Variants in SCML4 observed in about 807,000 individuals in gnomAD.
The protein encoded by SCML4 is sex comb on midleg-like protein 4.
In SCML4, 34 loss-of-function variants were observed where a neutral mutation model predicts 41.1. That is an observed-to-expected ratio of 0.83 (90% CI 0.63 to 1.10). SCML4 has a LOEUF of 1.10. SCML4 is among the 50% of genes least tolerant of loss of function. The pLI, the probability that SCML4 is intolerant of heterozygous loss-of-function variation, is 0.00. For synonymous variants in SCML4, 214 were observed against 220.9 expected (o/e 0.97, Z 0.28); for missense variants, 522 against 534.1 (o/e 0.98, Z 0.22).
intron 6 of SCML4, among the ~76,000 whole-genome samples, chr6:107,716,268 C>T (rs992778313): frequency 2.0e-5 from 3 of 152,162 alleles, no homozygotes; most frequent in African/African-American, 7.2e-5. Flanking sequence ...TTCTCCATCT[C>T]TTAGAACCTT....
At chr6:107,778,346 G>T (rs74758896) in intron 1 of SCML4, among the ~76,000 whole-genome samples, 12,756 of 148,388 alleles carry the variant, frequency 0.086, 786 homozygotes, top group Non-Finnish European at 0.13. Flanking sequence ...TCAGTGCAGT[G>T]AATACTATCT....
At chr6:107,805,949 G>T (rs1210631153) in intron 1 of SCML4, among the ~76,000 whole-genome samples, 1 of 152,202 alleles carries the variant, frequency 6.6e-6, no homozygotes, top group Non-Finnish European at 1.5e-5. Flanking sequence ...TGTCATGGAG[G>T]CCACGGTTAT....
At position 107,720,683 on chromosome 6, in the gene SCML4, T is replaced by C; in HGVS notation, c.973+20A>G. Reference sequence around the variant, plus strand: ...AAGGGATGTTAAGTCAGTGGGAAGCTGATGCATGCATTACATTACCACATC... The same window carrying C: ...AAGGGATGTTAAGTCAGTGGGAAGCCGATGCATGCATTACATTACCACATC... On this transcript the variant is annotated intron_variant, in intron 6 of 7. Transcript: ENST00000369020. 2 of 1,516,730 alleles carry C rather than the reference T, an allele frequency of 1.3e-6. No individual in the cohort carries two copies. Among genetic ancestry groups the C allele is most frequent in the Non-Finnish European group, 1.8e-6 (2 of 1,132,266 alleles). The allele number at this position is 1,516,730 out of a possible 1,614,324, so 94.0% of individuals were successfully genotyped here. A position where few individuals can be genotyped will look rare whatever the true frequency, so the allele number is the denominator to read the frequency against.
chr6:107,723,384 A>G (rs542559878), intron 5 of SCML4, among the ~76,000 whole-genome samples: 2 of 152,330 alleles, frequency 1.3e-5, no homozygotes, highest in South Asian at 4.1e-4. Flanking sequence ...TATCTCATGT[A>G]ATTTACTGAA....
chr6:107,707,668 G>A (rs1471749595), intron 7 of SCML4, among the ~76,000 whole-genome samples, 198 bp downstream of exon 7: 2 of 152,112 alleles, frequency 1.3e-5, no homozygotes, highest in Non-Finnish European at 2.9e-5. Flanking sequence ...AACAAATTAA[G>A]TGGTCACTCT....
rs1263019189 is a variant in SCML4, at chr6:107,702,258, G to A, written c.*2942C>T. The stretch of plus-strand genomic sequence containing the variant: ...CAATCTGTCCTGCTTAAAGTTTAAT[G>A]CAAAATGAGATAGCACCTCCGCGAG... On this transcript the variant is annotated 3_prime_UTR_variant, in exon 8 of 8. Transcript: ENST00000369020. Among the ~76,000 whole-genome samples the A allele has an allele frequency of 6.6e-6, 1 of 152,174 alleles. No homozygotes were observed. Among genetic ancestry groups the A allele is most frequent in the African/African-American group, 2.4e-5 (1 of 41,432 alleles).
chr6:107,751,760 C>T (rs1303943042), intron 2 of SCML4, among the ~76,000 whole-genome samples: 2 of 151,870 alleles, frequency 1.3e-5, no homozygotes, highest in Admixed American at 6.6e-5. Flanking sequence ...CTCAGCCTCC[C>T]GAGTAGCTGG....
rs1379712912 is a variant in SCML4, at chr6:107,720,928, T to A, written c.748A>T (p.Thr250Ser). 1.2e-6 allele frequency: 2 copies of A among 1,613,868 alleles called. No individual in the cohort carries two copies. Among genetic ancestry groups the A allele is most frequent in the African/African-American group, 2.7e-5 (2 of 74,862 alleles). Reference protein sequence around the residue: ...PVGMNRYSVDTSASTFNHRGS... With the variant: ...PVGMNRYSVDSSASTFNHRGS... ...CTGTGGTTAAAGGTGGAGGCGGAGG[T>A]GTCCACGCTGTAGCGGTTCATGCCC... Residue 250 changes from threonine (T) to serine (S), a missense_variant, in exon 6 of 8, where the codon ACC becomes TCC. Transcript: ENST00000369020.
intron 6 of SCML4, among the ~76,000 whole-genome samples, chr6:107,712,052 T>A (rs1344995884): frequency 6.6e-6 from 1 of 152,148 alleles, no homozygotes; most frequent in African/African-American, 2.4e-5. Context: ...TCTGGGAATC[T>A]GTTAATGCAC....
At chr6:107,773,589 CAAAAAAAA>C (rs5878938) in intron 1 of SCML4, among the ~76,000 whole-genome samples, 1 of 76,944 alleles carries the variant, frequency 1.3e-5, no homozygotes, top group Admixed American at 1.5e-4. Context: ...AAGACTGTCT[CAAAAAAAA>C]AAAAAAAAAA....
At chr6:107,714,820 G>A (rs1429387856) in intron 6 of SCML4, among the ~76,000 whole-genome samples, 1 of 151,816 alleles carries the variant, frequency 6.6e-6, no homozygotes, top group Non-Finnish European at 1.5e-5. Flanking sequence ...TCCATAAATG[G>A]CCAGTAGATT....
At position 107,720,913 on chromosome 6, in the gene SCML4, AG is replaced by A; in HGVS notation, c.762del (p.Phe255LeufsTer51). ...GGGTGCAAGGAGCCCCTGTGGTTAA[AG>A]GTGGAGGCGGAGGTGTCCACGCTGT... Reference protein sequence around the residue: ...NRYSVDTSASTFNHRGSLHPS... With the variant: ...NRYSVDTSASXFNHRGSLHPS... On this transcript the variant is annotated frameshift_variant, in exon 6 of 8. Coordinates refer to ENST00000369020, the MANE Select transcript of SCML4 (RefSeq NM_198081.5). LOFTEE classifies it high-confidence loss of function. 1.2e-6 allele frequency: 2 copies of A among 1,614,150 alleles called. No homozygotes were observed. The highest frequency in any genetic ancestry group is 1.7e-6 in the Non-Finnish European group (2 of 1,180,020).
chr6:107,757,939 G>A (rs143785062), intron 2 of SCML4, among the ~76,000 whole-genome samples: 131 of 152,072 alleles, frequency 8.6e-4, no homozygotes, highest in Non-Finnish European at 1.1e-3. Flanking sequence ...CTCACACCTC[G>A]CAGATGATCC....
intron 6 of SCML4, among the ~76,000 whole-genome samples, chr6:107,714,046 G>A (rs1774502881): frequency 6.6e-6 from 1 of 152,130 alleles, no homozygotes; most frequent in Non-Finnish European, 1.5e-5. Flanking sequence ...CGAGTAGCTG[G>A]GATTATAGGC....
At chr6:107,744,102 G>A (rs985613492) in intron 5 of SCML4, 2 of 152,190 alleles carry the variant, frequency 1.3e-5, no homozygotes, top group African/African-American at 2.4e-5. Flanking sequence ...CAGTTGTACT[G>A]CCTGTGTGCT....
At chr6:107,826,268 AAAGAAAAG>A (rs1409594587), upstream of SCML4, among the ~76,000 whole-genome samples, 2 of 143,836 alleles carry the variant, frequency 1.4e-5, no homozygotes. Flanking sequence ...AAAGAAAGAA[AAAGAAAAG>A]AAGAAAAGAA....
chr6:107,707,787 C>T, intron 7 of SCML4, 79 bp downstream of exon 7: 1 of 1,530,790 alleles, frequency 6.5e-7, no homozygotes. Context: ...TGGCAGCATC[C>T]CGCAGCTCCC....
At position 107,749,728 on chromosome 6, in the gene SCML4, T is replaced by C. The variant is rs769748312; in HGVS notation, c.242A>G (p.Asp81Gly). Residue 81 changes from aspartate (D) to glycine (G), a missense_variant, in exon 3 of 8, where the codon GAC becomes GGC. By Grantham distance (94) the Asp-to-Gly change is moderately conservative. Coordinates refer to ENST00000369020, the MANE Select transcript of SCML4 (RefSeq NM_198081.5). ...CGCCAAGCTGGGGACCGTGGCTGCGTCCTGAGGGATGGAGCTGAGGTCGGG... is the reference window on the plus strand; with the variant it reads ...CGCCAAGCTGGGGACCGTGGCTGCGCCCTGAGGGATGGAGCTGAGGTCGGG... The part of the protein sequence containing the change: ...PEPDLSSIPQ[D>G]AATVPSLAAP... 1 of 1,614,002 alleles carries C rather than the reference T, an allele frequency of 6.2e-7. No homozygotes were observed.
In SCML4 at chr6:107,742,865, AC is replaced by A. The variant is rs1310161338; in HGVS notation, c.682+2083del. On this transcript the variant is annotated intron_variant, in intron 5 of 7. Transcript: ENST00000369020. ...ACAAAGCCTGTTGGTACCATTACGT[AC>A]ACAGACAAACCCACAACACTCTAAT... 7.2e-5 allele frequency among the ~76,000 whole-genome samples: 11 copies of A among 152,214 alleles called. 1 individual carries two copies. The highest frequency in any genetic ancestry group is 2.7e-4 in the African/African-American group (11 of 41,458).
Sources: allele counts gnomAD v4.1 joint callset (sites outside exome capture counted in the v4.1 genomes callset), GRCh38; gene constraint gnomAD v4.1.1; transcripts MANE v1.5; gene names NCBI Gene and HGNC (gene_info 2026-07-23, HGNC 2026-07-21).